The following AP3S2 variants were observed in gnomAD, a reference collection of about 807,000 sequenced individuals.
AP3S2 encodes adaptor related protein complex 3 subunit sigma 2.
A neutral mutation model predicts 23.4 loss-of-function variants in AP3S2; 22 were observed. The ratio of observed to expected loss-of-function variants is 0.94; its 90% CI spans 0.67 to 1.34. AP3S2 has a LOEUF of 1.34. AP3S2 is among the 40% of genes most tolerant of loss of function. AP3S2 has a pLI of 0.00. For synonymous variants in AP3S2, 86 were observed against 87.1 expected (o/e 0.99, Z 0.07); for missense variants, 241 against 236.9 (o/e 1.02, Z -0.11).
chr15:89,858,531 A>G (rs745531140), intron 4 of AP3S2, among the ~76,000 whole-genome samples: 144 of 47,036 alleles, frequency 3.1e-3, no homozygotes, highest in East Asian at 8.8e-3. Context: ...GAGAGAAAGA[A>G]AGAAAGAAAG....
At chr15:89,855,945 TAAA>T (rs34784306) in intron 4 of AP3S2, among the ~76,000 whole-genome samples, 40,943 of 112,022 alleles carry the variant, frequency 0.37, 5,576 homozygotes, top group East Asian at 0.5. Context: ...ATATGTCCTT[TAAA>T]AAAAAAAAAA....
chr15:89,844,808 C>T (rs1331174253), intron 4 of AP3S2, among the ~76,000 whole-genome samples: 1 of 152,204 alleles, frequency 6.6e-6, no homozygotes, highest in African/African-American at 2.4e-5. Context: ...TCCACCTCTA[C>T]TCTTCCATAG....
chr15:89,852,613 G>C (rs919030237), intron 4 of AP3S2: 1 of 152,080 alleles, frequency 6.6e-6, no homozygotes, highest in Non-Finnish European at 1.5e-5. Context: ...CTCTACCCTG[G>C]GATTCTATCA....
At chr15:89,849,301 ATG>A (rs1333298296) in intron 4 of AP3S2, among the ~76,000 whole-genome samples, 1 of 152,172 alleles carries the variant, frequency 6.6e-6, no homozygotes, top group Non-Finnish European at 1.5e-5. Context: ...AATATTCTAA[ATG>A]TAATTGGGCT....
At chr15:89,877,042 G>A (rs182010295) in intron 3 of AP3S2, 11 of 266,594 alleles carry the variant, frequency 4.1e-5, no homozygotes, top group Admixed American at 2.0e-4. Flanking sequence ...CAAACTCCCC[G>A]TCTGCTGAAC....
At chr15:89,840,009 C>T (rs1596186322) in intron 4 of AP3S2, among the ~76,000 whole-genome samples, 1 of 152,102 alleles carries the variant, frequency 6.6e-6, no homozygotes, top group African/African-American at 2.4e-5. Context: ...CCAGAGTAGT[C>T]AAATTCAGAG....
chr15:89,859,260 C>T (rs1567179084), intron 4 of AP3S2, among the ~76,000 whole-genome samples: 2 of 149,144 alleles, frequency 1.3e-5, no homozygotes, highest in African/African-American at 4.9e-5. Context: ...TCCTTCCTTC[C>T]TTTTTTTCTT....
chr15:89,855,482 T>TGCCA (rs1160442096), intron 4 of AP3S2, among the ~76,000 whole-genome samples: 4 of 126,916 alleles, frequency 3.2e-5, no homozygotes, highest in African/African-American at 1.2e-4. Context: ...CCCATGACCC[T>TGCCA]GCCAAATCCC....
At chr15:89,856,701 C>CAA (rs34735772) in intron 4 of AP3S2, among the ~76,000 whole-genome samples, 9 of 75,106 alleles carry the variant, frequency 1.2e-4, no homozygotes, top group Non-Finnish European at 2.3e-4. Flanking sequence ...GACTCCATCT[C>CAA]AAAAAAAAAA....
rs372598574 is a variant in AP3S2 at position 89,888,597 on chromosome 15, C to T, written c.197G>A (p.Arg66Gln). 1.6e-5 allele frequency: 26 copies of T among 1,614,024 alleles called. No individual in the cohort carries two copies. In the African/African-American group the frequency reaches 1.7e-4, roughly 11 times the overall value. The change falls in exon 3 of 6, where the codon CGG becomes CAG. Residue 66 changes from arginine (R) to glutamine (Q), a missense_variant. Physicochemically the swap from Arg to Gln is conservative, Grantham distance 43. Coordinates refer to ENST00000336418, the MANE Select transcript of AP3S2 (RefSeq NM_005829.5). ...IGGSDYKLIY[R>Q]HYATLYFVFC... The stretch of plus-strand genomic sequence containing the variant: ...TACAAAGTAGAGGGTAGCATAGTGC[C>T]GGTAGATCAGTTTGTAGTCAGAGCC...
At chr15:89,862,326 A>G (rs892866720) in intron 4 of AP3S2, among the ~76,000 whole-genome samples, 2 of 152,206 alleles carry the variant, frequency 1.3e-5, no homozygotes, top group African/African-American at 4.8e-5. Context: ...GGAAAACAAT[A>G]TTTATTAATG....
At chr15:89,858,213 G>A (rs145403942) in intron 4 of AP3S2, among the ~76,000 whole-genome samples, 31 of 151,962 alleles carry the variant, frequency 2.0e-4, no homozygotes, top group East Asian at 1.9e-3. Flanking sequence ...TGAGACAGGC[G>A]GATCACCTGA....
intron 3 of AP3S2, among the ~76,000 whole-genome samples, chr15:89,880,546 C>T (rs915513926): frequency 3.3e-5 from 5 of 151,886 alleles, no homozygotes; most frequent in African/African-American, 9.7e-5. Flanking sequence ...CGGTGGTGGG[C>T]GCCTATAGTC....
At chr15:89,871,353 G>A (rs1476968745) in intron 4 of AP3S2, 122 bp downstream of exon 4, 2 of 869,110 alleles carry the variant, frequency 2.3e-6, no homozygotes, top group Non-Finnish European at 3.4e-6. Flanking sequence ...ACATGTTCTA[G>A]GACTATCTTA....
chr15:89,882,343 C>A (rs1896590599), intron 3 of AP3S2, among the ~76,000 whole-genome samples: 1 of 151,752 alleles, frequency 6.6e-6, no homozygotes, highest in African/African-American at 2.4e-5. Context: ...TCATTTTACC[C>A]CCCTGTTCTG....
At chr15:89,884,066 C>CA (rs771849334) in intron 3 of AP3S2, 19 of 154,130 alleles carry the variant, frequency 1.2e-4, no homozygotes, top group Non-Finnish European at 2.2e-4. Flanking sequence ...CCTGTATACT[C>CA]ATAGTGTGCC....
chr15:89,835,864 C>T (rs1183785674), intron 5 of AP3S2, among the ~76,000 whole-genome samples: 3 of 151,958 alleles, frequency 2.0e-5, no homozygotes, highest in East Asian at 1.9e-4. Flanking sequence ...CCCATCTCTA[C>T]CAAAAATACA....
chr15:89,879,515 C>T (rs1896521434), intron 3 of AP3S2, among the ~76,000 whole-genome samples: 3 of 151,814 alleles, frequency 2.0e-5, no homozygotes, highest in South Asian at 2.1e-4. Context: ...AATCACACAC[C>T]GTCAAAAAAA....
intron 4 of AP3S2, among the ~76,000 whole-genome samples, chr15:89,859,207 C>T (rs1596201237): frequency 6.7e-6 from 1 of 150,148 alleles, no homozygotes; most frequent in East Asian, 2.0e-4. Context: ...TCTCTCCTTG[C>T]TTCCTTTCTC....
Sources: gnomAD v4.1 joint callset for allele counts (sites outside exome capture counted in the v4.1 genomes callset) on GRCh38, gnomAD v4.1.1 for gene constraint, MANE v1.5 for transcripts, NCBI Gene and HGNC (gene_info 2026-07-23, HGNC 2026-07-21) for gene names.